MYO3B: variants seen among roughly 807,000 people sequenced by gnomAD.
The protein encoded by MYO3B is myosin IIIB.
MYO3B carries 156 observed loss-of-function variants against 174.6 expected under a neutral mutation model. The observed-to-expected ratio is 0.89, with a 90% CI of 0.78 to 1.02. The LOEUF is 1.02. Among genes scored for constraint, MYO3B ranks in the 50% least tolerant of loss-of-function variants. MYO3B has a pLI of 0.00. For missense variants in MYO3B, 1,632 were observed against 1,639.4 expected (o/e 1.00, Z 0.08); for synonymous variants, 563 against 569.1 (o/e 0.99, Z 0.15).
intron 10 of MYO3B, 189 bp downstream of exon 10, chr2:170,382,301 C>T: frequency 2.2e-6 from 1 of 448,680 alleles, no homozygotes; most frequent in Non-Finnish European, 4.0e-6. Context: ...ATTTAGATAG[C>T]CCCTAGAATG....
At chr2:170,239,508 T>A (rs1312466970) in intron 7 of MYO3B, among the ~76,000 whole-genome samples, 1 of 152,248 alleles carries the variant, frequency 6.6e-6, no homozygotes, top group African/African-American at 2.4e-5. Context: ...ATGAGCTGAC[T>A]CTGTCCATTG....
chr2:170,590,017 G>A (rs1693725557), intron 32 of MYO3B, among the ~76,000 whole-genome samples: 1 of 152,186 alleles, frequency 6.6e-6, no homozygotes, highest in African/African-American at 2.4e-5. Flanking sequence ...TAGCCTAGGA[G>A]CAAAGGCTGT....
intron 32 of MYO3B, among the ~76,000 whole-genome samples, chr2:170,612,212 C>G (rs1304199975): frequency 1.3e-5 from 2 of 152,166 alleles, no homozygotes; most frequent in African/African-American, 4.8e-5. Context: ...AAACATTTCA[C>G]AGGAAAGAGC....
chr2:170,190,566 G>A (rs2092528303), intron 1 of MYO3B, among the ~76,000 whole-genome samples: 1 of 152,096 alleles, frequency 6.6e-6, no homozygotes, highest in Non-Finnish European at 1.5e-5. Context: ...CAAGCCACAA[G>A]ACAAAGTCCT....
chr2:170,533,427 G>C (rs907651284), intron 30 of MYO3B, among the ~76,000 whole-genome samples: 1 of 48,170 alleles, frequency 2.1e-5, no homozygotes, highest in Admixed American at 3.2e-4. Context: ...TGTGGGGGTG[G>C]GGGGGGGGTG....
chr2:170,410,215 T>C (rs1322609280), intron 22 of MYO3B, among the ~76,000 whole-genome samples: 1 of 152,182 alleles, frequency 6.6e-6, no homozygotes, highest in African/African-American at 2.4e-5. Flanking sequence ...ATATATATTA[T>C]GGTCAATTAC....
intron 32 of MYO3B, among the ~76,000 whole-genome samples, chr2:170,623,761 C>G (rs1434182879): frequency 6.6e-6 from 1 of 152,038 alleles, no homozygotes; most frequent in Non-Finnish European, 1.5e-5. Flanking sequence ...TAATGTGTAA[C>G]AAAGGGATCC....
chr2:170,564,472 C>CA (rs1186464059), intron 32 of MYO3B, among the ~76,000 whole-genome samples: 1 of 151,996 alleles, frequency 6.6e-6, no homozygotes, highest in Non-Finnish European at 1.5e-5. Context: ...GCCTCCATCT[C>CA]AAAAAGTAAA....
At chr2:170,301,042 G>A (rs1417086891) in intron 7 of MYO3B, among the ~76,000 whole-genome samples, 1 of 152,204 alleles carries the variant, frequency 6.6e-6, no homozygotes, top group Non-Finnish European at 1.5e-5. Context: ...CTTGCCTGTT[G>A]AGAAGGCATC....
intron 8 of MYO3B, among the ~76,000 whole-genome samples, chr2:170,355,521 T>A (rs1490005912): frequency 1.3e-5 from 2 of 152,226 alleles, no homozygotes; most frequent in Non-Finnish European, 2.9e-5. Flanking sequence ...CCTGACATTT[T>A]AGCTGGAGTA....
intron 6 of MYO3B, among the ~76,000 whole-genome samples, chr2:170,233,655 C>T (rs1255553791): frequency 6.6e-6 from 1 of 152,158 alleles, no homozygotes; most frequent in Non-Finnish European, 1.5e-5. Flanking sequence ...GAAGATGGGG[C>T]TGGGGCCAGG....
chr2:170,654,845 C>T lies in MYO3B; in HGVS notation c.*1724C>T, dbSNP rs1396985700. The T allele has an allele frequency of 6.6e-6, 1 of 151,562 alleles. No homozygotes were observed. The highest frequency in any genetic ancestry group is 1.5e-5 in the Non-Finnish European group (1 of 67,916). 9.4% of individuals were successfully genotyped at this position (151,562 alleles called of 1,614,324 possible). A position where few individuals can be genotyped will look rare whatever the true frequency, so the allele number is the denominator to read the frequency against. On this transcript the variant is annotated 3_prime_UTR_variant, in exon 35 of 35. Transcript: ENST00000408978. ...AATTTTACAAGTAAAATAAATATAG[C>T]CAATTTTTCAATAGCTGAACTTCAC...
chr2:170,423,476 T>C (rs1030243972), intron 22 of MYO3B, among the ~76,000 whole-genome samples: 2 of 152,084 alleles, frequency 1.3e-5, no homozygotes, highest in Non-Finnish European at 2.9e-5. Context: ...TTCTGCAGAT[T>C]GGCTTCTTCA....
chr2:170,598,859 C>T (rs1694309929), intron 32 of MYO3B, among the ~76,000 whole-genome samples: 2 of 152,160 alleles, frequency 1.3e-5, no homozygotes, highest in Non-Finnish European at 2.9e-5. Flanking sequence ...ATGTCCAGAG[C>T]TAAGCTAAGA....
intron 6 of MYO3B, among the ~76,000 whole-genome samples, chr2:170,223,132 T>A (rs1161157297): frequency 1.3e-5 from 2 of 152,164 alleles, no homozygotes; most frequent in Non-Finnish European, 2.9e-5. Context: ...AAAGCATTTT[T>A]AAAATTATTA....
chr2:170,224,858 C>T (rs961925716), intron 6 of MYO3B, among the ~76,000 whole-genome samples: 2 of 152,166 alleles, frequency 1.3e-5, no homozygotes, highest in South Asian at 2.1e-4. Flanking sequence ...TGACAAGGGA[C>T]GGTTGCCATA....
chr2:170,346,353 G>C (rs887938152), intron 8 of MYO3B: 1 of 152,094 alleles, frequency 6.6e-6, no homozygotes, highest in Non-Finnish European at 1.5e-5. Context: ...TTTTATGTGT[G>C]GTCGAAGACA....
chr2:170,353,744 T>C (rs913797675), intron 8 of MYO3B, among the ~76,000 whole-genome samples: 1 of 152,154 alleles, frequency 6.6e-6, no homozygotes, highest in African/African-American at 2.4e-5. Flanking sequence ...TTTAATAAAA[T>C]AAAACAAATT....
intron 22 of MYO3B, among the ~76,000 whole-genome samples, chr2:170,416,237 A>T (rs978672556): frequency 2.0e-5 from 3 of 152,058 alleles, no homozygotes; most frequent in African/African-American, 7.2e-5. Context: ...AAAGATACAA[A>T]CTAGACCGGA....
Sources: allele counts gnomAD v4.1 joint callset (sites outside exome capture counted in the v4.1 genomes callset), GRCh38; gene constraint gnomAD v4.1.1; transcripts MANE v1.5; gene names NCBI Gene and HGNC (gene_info 2026-07-23, HGNC 2026-07-21).